Variants in SLCO5A1 observed in about 807,000 individuals in gnomAD.
SLCO5A1 encodes the protein solute carrier organic anion transporter family member 5A1, also known as organic anion transporter polypeptide-related protein 4.
A neutral mutation model predicts 65.1 loss-of-function variants in SLCO5A1; 39 were observed. That is an observed-to-expected ratio of 0.60 (90% CI 0.46 to 0.78). The LOEUF is 0.78. Among genes scored for constraint, SLCO5A1 ranks in the 30% least tolerant of loss-of-function variants. The pLI, the probability that SLCO5A1 is intolerant of heterozygous loss-of-function variation, is 0.00. For synonymous variants in SLCO5A1, 438 were observed against 415.7 expected, an observed-to-expected ratio of 1.05 and a Z score of -0.65; for missense variants, 1,029 against 1,069.4, an observed-to-expected ratio of 0.96 and a Z score of 0.53.
chr8:69,811,471 T>G (rs1355474866), intron 2 of SLCO5A1, among the ~76,000 whole-genome samples: 1 of 152,146 alleles, frequency 6.6e-6, no homozygotes, highest in East Asian at 1.9e-4. Flanking sequence ...CTATGGGGAA[T>G]GGGGTGGATG....
chr8:69,784,868 G>A (rs1264082114), intron 2 of SLCO5A1, among the ~76,000 whole-genome samples: 1,142 of 58,236 alleles, frequency 0.02, 7 homozygotes, highest in African/African-American at 0.029. Context: ...AGAAAGGGAA[G>A]GAAGGAGAAA....
intron 2 of SLCO5A1, among the ~76,000 whole-genome samples, chr8:69,816,757 T>C (rs1457659721): frequency 1.3e-5 from 2 of 152,186 alleles, no homozygotes; most frequent in African/African-American, 4.8e-5. Flanking sequence ...TTCTTCTTTT[T>C]AAAATTATGC....
At chr8:69,783,605 G>A (rs974359928) in intron 2 of SLCO5A1, among the ~76,000 whole-genome samples, 3 of 151,620 alleles carry the variant, frequency 2.0e-5, no homozygotes, top group Middle Eastern at 3.4e-3. Flanking sequence ...TATTTTTTTT[G>A]TACCAAAGTC....
chr8:69,722,489 T>C (rs932892362), intron 5 of SLCO5A1, among the ~76,000 whole-genome samples: 1 of 152,226 alleles, frequency 6.6e-6, no homozygotes, highest in African/African-American at 2.4e-5. Flanking sequence ...TATGGATTAT[T>C]ATTTATTCCC....
intron 6 of SLCO5A1, among the ~76,000 whole-genome samples, chr8:69,695,340 AC>A (rs1279187529): frequency 6.6e-6 from 1 of 152,036 alleles, no homozygotes; most frequent in Non-Finnish European, 1.5e-5. Flanking sequence ...ACTAAAAAAT[AC>A]GAAAATTAGC....
chr8:69,797,795 T>C (rs1166241161), intron 2 of SLCO5A1, among the ~76,000 whole-genome samples: 2 of 152,248 alleles, frequency 1.3e-5, no homozygotes, highest in African/African-American at 4.8e-5. Context: ...TCAATGACAA[T>C]GCGTGCCCAA....
chr8:69,761,733 C>G lies in SLCO5A1; in HGVS notation c.1040+10G>C. ...GAACTGAAATTTAAAAATTAGAAAA[C>G]AGAACTTACCAGTTTCCAATGAAAC... On this transcript the variant is annotated intron_variant, in intron 3 of 9. Coordinates refer to ENST00000260126, the MANE Select transcript of SLCO5A1 (RefSeq NM_030958.3). The G allele has an allele frequency of 3.1e-6, 5 of 1,610,942 alleles. No homozygotes were observed. In the South Asian group the frequency reaches 5.6e-5, roughly 18 times the overall value.
At chr8:69,712,324 T>C (rs548922621) in intron 5 of SLCO5A1, among the ~76,000 whole-genome samples, 17 of 152,332 alleles carry the variant, frequency 1.1e-4, no homozygotes, top group Admixed American at 2.0e-4. Flanking sequence ...ACGTTTTTAT[T>C]CTGGACCCCA....
At chr8:69,799,044 G>A (rs1819621156) in intron 2 of SLCO5A1, among the ~76,000 whole-genome samples, 1 of 152,160 alleles carries the variant, frequency 6.6e-6, no homozygotes, top group African/African-American at 2.4e-5. Context: ...AAGTATAAAA[G>A]TTTGAAATAT....
intron 4 of SLCO5A1, among the ~76,000 whole-genome samples, chr8:69,753,010 A>G (rs960402934): frequency 6.6e-5 from 10 of 152,238 alleles, no homozygotes; most frequent in Admixed American, 4.6e-4. Flanking sequence ...TGGCAGTACA[A>G]GAAGTTATCC....
intron 2 of SLCO5A1, among the ~76,000 whole-genome samples, chr8:69,773,686 C>T (rs944067116): frequency 1.3e-5 from 2 of 152,218 alleles, no homozygotes; most frequent in Non-Finnish European, 2.9e-5. Flanking sequence ...AAAAGCAATT[C>T]CATTTTCCTT....
At chr8:69,706,573 T>A (rs1814978167) in intron 5 of SLCO5A1, among the ~76,000 whole-genome samples, 3 of 152,202 alleles carry the variant, frequency 2.0e-5, no homozygotes, top group African/African-American at 7.2e-5. Context: ...CTACCTCACC[T>A]TTCCATGTGA....
intron 9 of SLCO5A1, among the ~76,000 whole-genome samples, chr8:69,675,134 C>T (rs1813496923): frequency 6.6e-6 from 1 of 151,100 alleles, no homozygotes; most frequent in Admixed American, 6.6e-5. Context: ...AATGTTATTT[C>T]TAAATAATAC....
chr8:69,727,175 A>G (rs1397712974), intron 5 of SLCO5A1, among the ~76,000 whole-genome samples: 4 of 152,142 alleles, frequency 2.6e-5, no homozygotes, highest in Admixed American at 6.5e-5. Context: ...TGCCAGGCCC[A>G]TAGCAAAAGC....
chr8:69,765,203 GATAC>G (rs1563710383), intron 2 of SLCO5A1, among the ~76,000 whole-genome samples: 1 of 151,528 alleles, frequency 6.6e-6, no homozygotes, highest in Non-Finnish European at 1.5e-5. Flanking sequence ...TGTGTATACA[GATAC>G]ATATATATAT....
chr8:69,715,254 G>A (rs1209447110), intron 5 of SLCO5A1, among the ~76,000 whole-genome samples: 2 of 152,180 alleles, frequency 1.3e-5, no homozygotes, highest in Non-Finnish European at 2.9e-5. Flanking sequence ...GGGAGCCTTT[G>A]CAGAGGAAAT....
rs184006077 is a variant in SLCO5A1 at position 69,789,980 on chromosome 8, A to G, written c.908-28105T>C. Among the ~76,000 whole-genome samples, 1,119 of 151,852 alleles carry G rather than the reference A, an allele frequency of 7.4e-3. 13 individuals carry two copies. The highest frequency in any genetic ancestry group is 0.026 in the African/African-American group (1,073 of 41,446). On this transcript the variant is annotated intron_variant, in intron 2 of 9. Transcript: ENST00000260126. Reference sequence around the variant, plus strand: ...GGCTGAGGCGGGTGGATCACCTGAGATCAGGAGTTTGAGACCAGCCTGGCC... The same window carrying G: ...GGCTGAGGCGGGTGGATCACCTGAGGTCAGGAGTTTGAGACCAGCCTGGCC...
Position 69,705,216 on chromosome 8 carries a change from G to A in SLCO5A1, c.1437C>T (p.Val479=), listed in dbSNP as rs1814916863. Residue 479 remains valine (V), a synonymous_variant, in exon 6 of 10, where the codon GTC becomes GTT. Transcript: ENST00000260126. The part of the protein sequence containing the change: ...NASIYTGVII[V]PSAGVGIVLG... ...GGACAATACCAACACCAGCACTGGGGACGATAATAACCCCTGGGGAGAAGA... is the reference window on the plus strand; with the variant it reads ...GGACAATACCAACACCAGCACTGGGAACGATAATAACCCCTGGGGAGAAGA... The A allele has an allele frequency of 9.3e-6, 15 of 1,614,078 alleles. No individual in the cohort carries two copies. The highest frequency in any genetic ancestry group is 1.2e-5 in the Non-Finnish European group (14 of 1,180,002).
chr8:69,710,111 C>T (rs1361202929), intron 5 of SLCO5A1, among the ~76,000 whole-genome samples: 1 of 151,530 alleles, frequency 6.6e-6, no homozygotes, highest in Non-Finnish European at 1.5e-5. Context: ...CTCCGCCTCC[C>T]AGGTTCAAGT....
Sources: gnomAD v4.1 joint callset for allele counts (sites outside exome capture counted in the v4.1 genomes callset) on GRCh38, gnomAD v4.1.1 for gene constraint, MANE v1.5 for transcripts, NCBI Gene and HGNC (gene_info 2026-07-23, HGNC 2026-07-21) for gene names.